The following UNC13C variants were observed in gnomAD, a reference collection of about 807,000 sequenced individuals.
UNC13C encodes protein unc-13 homolog C.
In UNC13C, 174 loss-of-function variants were observed where a neutral mutation model predicts 245.4. The observed-to-expected ratio is 0.71, with a 90% CI of 0.63 to 0.80. UNC13C has a LOEUF of 0.80. Among genes scored for constraint, UNC13C ranks in the 30% least tolerant of loss-of-function variants. The pLI, the probability that UNC13C is intolerant of heterozygous loss-of-function variation, is 0.00. For synonymous variants in UNC13C, 992 were observed against 895.1 expected, an observed-to-expected ratio of 1.11 and a Z score of -1.93; for missense variants, 2,829 against 2,602.9, an observed-to-expected ratio of 1.09 and a Z score of -1.89.
rs1036545761 is a variant in UNC13C, at chr15:54,121,309, C to T, written c.2984-21709C>T. Among the ~76,000 whole-genome samples, 6 of 152,078 alleles carry T rather than the reference C, an allele frequency of 3.9e-5. 1 individual carries two copies. The highest frequency in any genetic ancestry group is 1.3e-4 in the Admixed American group (2 of 15,258). ...TCATCAGCAAAAAGATTACAATTTG[C>T]GGAAGGCTCAGACGATTGTTAGTAT... On this transcript the variant is annotated intron_variant, in intron 2 of 32. Coordinates refer to ENST00000260323, the MANE Select transcript of UNC13C (RefSeq NM_001080534.3).
At chr15:54,273,952 G>A (rs2036761002) in intron 10 of UNC13C, among the ~76,000 whole-genome samples, 2 of 152,130 alleles carry the variant, frequency 1.3e-5, no homozygotes, top group South Asian at 4.1e-4. Context: ...TTTTTGGTTA[G>A]TATCCGCCCC....
chr15:54,460,549 A>C (rs564650188), intron 19 of UNC13C, among the ~76,000 whole-genome samples: 1 of 152,294 alleles, frequency 6.6e-6, no homozygotes, highest in South Asian at 2.1e-4. Context: ...CTTTCAAGAG[A>C]GCACCAGCTC....
chr15:54,185,485 A>T (rs1252101270), intron 4 of UNC13C, among the ~76,000 whole-genome samples: 1 of 150,988 alleles, frequency 6.6e-6, no homozygotes, highest in Non-Finnish European at 1.5e-5. Context: ...AGCTTTCTCC[A>T]TATGGCTAGC....
the UNC13C span, among the ~76,000 whole-genome samples, chr15:53,965,506 T>C: frequency 3.3e-5 from 5 of 151,200 alleles, no homozygotes; most frequent in African/African-American, 1.2e-4. Flanking sequence ...TTGAATTTAT[T>C]TATGTCCTTT....
At chr15:54,258,926 G>C (rs779119790) in intron 8 of UNC13C, among the ~76,000 whole-genome samples, 1 of 152,164 alleles carries the variant, frequency 6.6e-6, no homozygotes, top group South Asian at 2.1e-4. Context: ...AAATTGGGGG[G>C]CTTATAAACA....
rs779696884 is a variant in UNC13C, at chr15:54,549,681, C to A, written c.5867C>A (p.Ser1956Tyr). The A allele has an allele frequency of 2.5e-6, 4 of 1,596,316 alleles. No individual in the cohort carries two copies. The highest frequency in any genetic ancestry group is 1.1e-5 in the South Asian group (1 of 87,632). ...FIAAKDLGQL[S>Y]KLKEHMIRED... ...GCAGCTAAAGATCTTGGACAATTATCCAAACTGAAGGTAATAAAAATAAGG... is the reference window on the plus strand; with the variant it reads ...GCAGCTAAAGATCTTGGACAATTATACAAACTGAAGGTAATAAAAATAAGG... Residue 1956 changes from serine (S) to tyrosine (Y), a missense_variant, in exon 28 of 33, where the codon TCC becomes TAC. Transcript: ENST00000260323.
chr15:53,877,934 G>A, the UNC13C span, among the ~76,000 whole-genome samples: 1 of 152,144 alleles, frequency 6.6e-6, no homozygotes, highest in Admixed American at 6.5e-5. Flanking sequence ...CATACAGTAT[G>A]TTCTCTTTTG....
chr15:53,896,822 T>C, the UNC13C span, among the ~76,000 whole-genome samples: 437 of 152,206 alleles, frequency 2.9e-3, 1 homozygote, highest in African/African-American at 0.01. Flanking sequence ...TCCATTAGCA[T>C]TAAAAACCAC....
intron 7 of UNC13C, among the ~76,000 whole-genome samples, chr15:54,246,305 C>T (rs764705769): frequency 2.0e-5 from 3 of 152,036 alleles, no homozygotes; most frequent in Non-Finnish European, 4.4e-5. Flanking sequence ...AAAGGCTTAT[C>T]AGAATGTGAA....
At chr15:54,058,988 A>G (rs1024938539) in intron 2 of UNC13C, among the ~76,000 whole-genome samples, 9 of 152,284 alleles carry the variant, frequency 5.9e-5, no homozygotes, top group African/African-American at 2.2e-4. Flanking sequence ...ATCTATGACA[A>G]ACCCACAGCC....
chr15:54,310,094 T>G (rs1465093477), intron 13 of UNC13C, among the ~76,000 whole-genome samples: 1 of 147,596 alleles, frequency 6.8e-6, no homozygotes, highest in Admixed American at 6.8e-5. Flanking sequence ...CTTTTTGACC[T>G]TTTTTTTTTG....
At chr15:53,939,779 A>G in the UNC13C span, among the ~76,000 whole-genome samples, 1 of 151,740 alleles carries the variant, frequency 6.6e-6, no homozygotes, top group African/African-American at 2.4e-5. Flanking sequence ...CTTCAATAAA[A>G]TTTGTCATTG....
chr15:53,897,721 C>G, the UNC13C span, among the ~76,000 whole-genome samples: 1 of 152,192 alleles, frequency 6.6e-6, no homozygotes, highest in African/African-American at 2.4e-5. Context: ...GAGAAGCTAT[C>G]CCTTAAATGA....
In UNC13C at chr15:54,015,431, A is replaced by G. The variant is rs1895604725; in HGVS notation, c.2528A>G (p.Glu843Gly). Reference sequence around the variant, plus strand: ...ACATTATCTCAATCAACTGCAAATGAGTCAAGTACCACACTTGACTCTGAT... The same window carrying G: ...ACATTATCTCAATCAACTGCAAATGGGTCAAGTACCACACTTGACTCTGAT... Reference protein sequence around the residue: ...FRTLSQSTANESSTTLDSDVY... With the variant: ...FRTLSQSTANGSSTTLDSDVY... Residue 843 changes from glutamate to glycine, a missense_variant, in exon 2 of 33, where the codon GAG becomes GGG. Transcript: ENST00000260323. The G allele has an allele frequency of 6.2e-7, 1 of 1,613,704 alleles. No individual in the cohort carries two copies. Among genetic ancestry groups the G allele is most frequent in the Non-Finnish European group, 8.5e-7 (1 of 1,179,812 alleles).
chr15:53,891,618 C>T, the UNC13C span, among the ~76,000 whole-genome samples: 24 of 152,032 alleles, frequency 1.6e-4, no homozygotes, highest in Non-Finnish European at 3.5e-4. Context: ...ATATAATGTC[C>T]TTTTTTGTCT....
At chr15:54,425,196 T>C (rs377698255) in intron 19 of UNC13C, among the ~76,000 whole-genome samples, 1 of 151,770 alleles carries the variant, frequency 6.6e-6, no homozygotes, top group African/African-American at 2.4e-5. Flanking sequence ...TAGAAACACA[T>C]TACAGTGAGT....
the UNC13C span, among the ~76,000 whole-genome samples, chr15:53,967,850 C>G: frequency 6.6e-6 from 1 of 152,074 alleles, no homozygotes; most frequent in South Asian, 2.1e-4. Flanking sequence ...GAAACAGTGC[C>G]AACTGTGATG....
At chr15:54,126,118 A>C (rs2031020853) in intron 2 of UNC13C, among the ~76,000 whole-genome samples, 1 of 152,192 alleles carries the variant, frequency 6.6e-6, no homozygotes, top group Admixed American at 6.5e-5. Flanking sequence ...TAAAAGGATA[A>C]ACTTAAGCCT....
At chr15:53,997,289 G>A (rs1894678979) in intron 1 of UNC13C, among the ~76,000 whole-genome samples, 1 of 151,988 alleles carries the variant, frequency 6.6e-6, no homozygotes, top group African/African-American at 2.4e-5. Flanking sequence ...TTTTGGGTTG[G>A]TGTGTGTGCA....
Sources: gnomAD v4.1 joint callset for allele counts (sites outside exome capture counted in the v4.1 genomes callset) on GRCh38, gnomAD v4.1.1 for gene constraint, MANE v1.5 for transcripts, NCBI Gene and HGNC (gene_info 2026-07-23, HGNC 2026-07-21) for gene names.